Variants in TAB2 observed in about 807,000 individuals in gnomAD.
TAB2 encodes the protein TGF-beta activated kinase 1 (MAP3K7) binding protein 2.
In TAB2, 3 loss-of-function variants were observed where a neutral mutation model predicts 65.0. The observed-to-expected ratio is 0.05, with a 90% CI of 0.02 to 0.12. The LOEUF (loss-of-function observed/expected upper bound fraction) is 0.12, where lower values mean the gene tolerates loss of function less well. TAB2 is among the 10% of genes least tolerant of loss of function. TAB2 has a pLI of 1.00. For missense variants in TAB2, 623 were observed against 840.3 expected (o/e 0.74, Z 3.20); for synonymous variants, 298 against 285.1 (o/e 1.05, Z -0.46).
At chr6:149,393,850 T>C (rs1015486251) in intron 3 of TAB2, among the ~76,000 whole-genome samples, 5 of 151,812 alleles carry the variant, frequency 3.3e-5, no homozygotes, top group African/African-American at 9.7e-5. Context: ...CAGATTTTTT[T>C]CTGAAATAAT....
At chr6:149,405,300 C>A (rs1472469849) in intron 6 of TAB2, among the ~76,000 whole-genome samples, 1 of 152,188 alleles carries the variant, frequency 6.6e-6, no homozygotes, top group Non-Finnish European at 1.5e-5. Flanking sequence ...AAAGAGAACG[C>A]TTGTACACTT....
chr6:149,289,928 A>AG (rs1410317440), intron 1 of TAB2, among the ~76,000 whole-genome samples: 2 of 152,202 alleles, frequency 1.3e-5, no homozygotes, highest in Non-Finnish European at 2.9e-5. Flanking sequence ...AGGGAGTTCC[A>AG]GGTCATAGGT....
chr6:149,248,363 G>A (rs1332267265), intron 1 of TAB2, among the ~76,000 whole-genome samples: 4 of 151,160 alleles, frequency 2.6e-5, no homozygotes, highest in Admixed American at 6.6e-5. Context: ...CTGTACTCCC[G>A]CTTGAGCGAC....
chr6:149,296,538 C>T (rs1407796585), intron 1 of TAB2, among the ~76,000 whole-genome samples: 3 of 151,956 alleles, frequency 2.0e-5, no homozygotes, highest in African/African-American at 4.8e-5. Context: ...AATGTTATAT[C>T]CAGCCTTTTT....
intron 1 of TAB2, among the ~76,000 whole-genome samples, chr6:149,338,646 C>A (rs1408938850): frequency 6.6e-6 from 1 of 152,112 alleles, no homozygotes; most frequent in Non-Finnish European, 1.5e-5. Flanking sequence ...GTAAAATTTC[C>A]TTTTAAAATG....
At chr6:149,326,271 CAAAAAAA>C (rs59070515) in intron 1 of TAB2, among the ~76,000 whole-genome samples, 121 of 124,990 alleles carry the variant, frequency 9.7e-4, no homozygotes, top group Admixed American at 1.5e-3. Flanking sequence ...GACCCCATCT[CAAAAAAA>C]AAAAAAAAAA....
At chr6:149,306,942 G>T (rs1213839026) in intron 1 of TAB2, among the ~76,000 whole-genome samples, 1 of 152,152 alleles carries the variant, frequency 6.6e-6, no homozygotes, top group Non-Finnish European at 1.5e-5. Context: ...TTTAACCTGT[G>T]TTTCAAAATG....
intron 1 of TAB2, among the ~76,000 whole-genome samples, chr6:149,274,845 C>T (rs539387954): frequency 6.6e-6 from 1 of 152,206 alleles, no homozygotes; most frequent in Admixed American, 6.5e-5. Context: ...GCATTAGAAC[C>T]GAAGAAGACC....
At chr6:149,293,061 T>C (rs1457606220) in intron 1 of TAB2, among the ~76,000 whole-genome samples, 3 of 151,984 alleles carry the variant, frequency 2.0e-5, no homozygotes, top group East Asian at 3.9e-4. Context: ...AAAACAACCA[T>C]GAGAGAACTC....
rs79687281 is a variant in TAB2, at chr6:149,396,377, G to A, written c.1604-1227G>A. ...TCAGAACTCTTCTTTCATTTTTTCTGTCACATTATCTGTGCATTCTGGGTA... is the reference window on the plus strand; with the variant it reads ...TCAGAACTCTTCTTTCATTTTTTCTATCACATTATCTGTGCATTCTGGGTA... On this transcript the variant is annotated intron_variant, in intron 3 of 6. Transcript: ENST00000637181. Among the ~76,000 whole-genome samples the A allele has an allele frequency of 2.1e-3, 322 of 152,150 alleles. 1 individual carries two copies. Among genetic ancestry groups the A allele is most frequent in the African/African-American group, 7.5e-3 (312 of 41,524 alleles).
intron 1 of TAB2, chr6:149,253,076 C>T (rs116696920): frequency 0.015 from 2,247 of 152,348 alleles, 66 homozygotes; most frequent in African/African-American, 0.052. Context: ...ATGGATTACA[C>T]ACACCAACAT....
intron 1 of TAB2, among the ~76,000 whole-genome samples, chr6:149,232,346 GCCC>G (rs999170151): frequency 6.6e-6 from 1 of 152,022 alleles, no homozygotes; most frequent in Non-Finnish European, 1.5e-5. Context: ...TCCTACCTCA[GCCC>G]CCCAAGTAGC....
chr6:149,293,276 G>C (rs1356174376), intron 1 of TAB2, among the ~76,000 whole-genome samples: 1 of 152,134 alleles, frequency 6.6e-6, no homozygotes, highest in African/African-American at 2.4e-5. Context: ...TTTATTCTCT[G>C]TAATATAGTA....
chr6:149,299,609 A>G (rs1298127276), intron 1 of TAB2, among the ~76,000 whole-genome samples: 4 of 152,230 alleles, frequency 2.6e-5, no homozygotes, highest in Admixed American at 6.5e-5. Context: ...TCAGAAAGAA[A>G]GTGAATACAC....
chr6:149,323,846 A>T (rs1779522762), intron 1 of TAB2, among the ~76,000 whole-genome samples: 1 of 152,182 alleles, frequency 6.6e-6, no homozygotes, highest in African/African-American at 2.4e-5. Flanking sequence ...TCATTTTAGT[A>T]TTTGATGTGC....
intron 1 of TAB2, among the ~76,000 whole-genome samples, chr6:149,300,345 C>A (rs867468944): frequency 2.0e-5 from 3 of 152,086 alleles, no homozygotes; most frequent in African/African-American, 7.2e-5. Flanking sequence ...ATTGTGGGTG[C>A]GAGGTTGACA....
intron 1 of TAB2, among the ~76,000 whole-genome samples, chr6:149,240,639 T>G (rs1211349218): frequency 2.0e-5 from 3 of 152,238 alleles, no homozygotes; most frequent in African/African-American, 7.2e-5. Flanking sequence ...TACTTTATTT[T>G]TCTACTCTTT....
chr6:149,310,919 A>G (rs1461260075), intron 1 of TAB2, among the ~76,000 whole-genome samples: 2 of 152,152 alleles, frequency 1.3e-5, no homozygotes, highest in Non-Finnish European at 2.9e-5. Flanking sequence ...AAAATCTACC[A>G]TGGAAATTGA....
At chr6:149,233,707 T>C (rs376736712) in intron 1 of TAB2, among the ~76,000 whole-genome samples, 1 of 152,366 alleles carries the variant, frequency 6.6e-6, no homozygotes. Context: ...GTTTATTAGA[T>C]TGTAAATTTC....
Sources: gnomAD v4.1 joint callset for allele counts (sites outside exome capture counted in the v4.1 genomes callset) on GRCh38, gnomAD v4.1.1 for gene constraint, MANE v1.5 for transcripts, NCBI Gene and HGNC (gene_info 2026-07-23, HGNC 2026-07-21) for gene names.